The following NAV3 variants were observed in gnomAD, a reference collection of about 807,000 sequenced individuals.
NAV3 encodes neuron navigator 3, also known as pore membrane and/or filament interacting like protein 1.
A neutral mutation model predicts 244.7 loss-of-function variants in NAV3; 87 were observed. That is an observed-to-expected ratio of 0.36 (90% CI 0.30 to 0.42). The LOEUF (loss-of-function observed/expected upper bound fraction) is 0.42, where lower values mean the gene tolerates loss of function less well. Ranked by LOEUF, NAV3 falls within the 20% of genes least tolerant of loss-of-function variation. The pLI is 1.00. For missense variants in NAV3, 2,663 were observed against 2,893.3 expected (o/e 0.92, Z 1.83); for synonymous variants, 1,126 against 1,042.2 (o/e 1.08, Z -1.55).
intron 2 of NAV3, among the ~76,000 whole-genome samples, chr12:77,639,471 G>A (rs552194302): frequency 6.3e-4 from 96 of 152,158 alleles, no homozygotes; most frequent in Middle Eastern, 3.4e-3. Context: ...CAGCCATCTC[G>A]TCTAACCAGA....
intron 2 of NAV3, among the ~76,000 whole-genome samples, chr12:77,728,759 A>G (rs985112825): frequency 2.0e-5 from 3 of 151,854 alleles, no homozygotes; most frequent in African/African-American, 7.2e-5. Flanking sequence ...CTGGAATAGC[A>G]TGGGTTTGAA....
At chr12:77,921,410 A>T (rs908663814) in intron 1 of NAV3, among the ~76,000 whole-genome samples, 1 of 152,128 alleles carries the variant, frequency 6.6e-6, no homozygotes, top group African/African-American at 2.4e-5. Flanking sequence ...GGTAGGAACC[A>T]TTCACTTAAA....
intron 3 of NAV3, among the ~76,000 whole-genome samples, chr12:77,943,136 A>T (rs1565943382): frequency 6.6e-6 from 1 of 152,184 alleles, no homozygotes; most frequent in Admixed American, 6.5e-5. Context: ...TATTTATCTG[A>T]AACAGCTGTT....
Position 78,180,981 on chromosome 12 carries a change from A to G in NAV3, c.5628A>G (p.Ser1876=). 1.2e-6 allele frequency: 2 copies of G among 1,613,308 alleles called. No homozygotes were observed. The highest frequency in any genetic ancestry group is 1.7e-6 in the Non-Finnish European group (2 of 1,179,478). The change falls in exon 30 of 40, where the codon TCA becomes TCG. Residue 1876 remains serine, a synonymous_variant. Coordinates refer to ENST00000397909, the MANE Select transcript of NAV3 (RefSeq NM_001024383.2). ...AATCCTCAAGCAGCACCTCCTCTTC[A>G]TCTTCCAGGCAGTCATTAGGACTTT... ...PSESSSSTSS[S]SSRQSLGLSL...
intron 11 of NAV3, among the ~76,000 whole-genome samples, chr12:78,057,846 A>C (rs1883739066): frequency 6.6e-6 from 1 of 152,112 alleles, no homozygotes; most frequent in Non-Finnish European, 1.5e-5. Flanking sequence ...TTACACACTG[A>C]CCTTAGGAAA....
chr12:77,709,231 G>C (rs961937329), intron 2 of NAV3, among the ~76,000 whole-genome samples: 1 of 152,122 alleles, frequency 6.6e-6, no homozygotes, highest in Admixed American at 6.5e-5. Context: ...ACACAGAAAA[G>C]ACCTTTGACA....
chr12:78,100,889 A>T (rs1445715254), intron 12 of NAV3, among the ~76,000 whole-genome samples: 1 of 151,992 alleles, frequency 6.6e-6, no homozygotes, highest in East Asian at 1.9e-4. Context: ...ATTTGTCTTT[A>T]TTGCTCTTTC....
At position 77,830,994 on chromosome 12, in the gene NAV3, A is replaced by C. The variant is rs7977457; in HGVS notation, c.-468A>C. The C allele has an allele frequency of 0.98, 148,658 of 152,178 alleles. 72,727 individuals are homozygous for C. The highest frequency in any genetic ancestry group is 1 in the East Asian group (5,163 of 5,164). The allele number at this position is 152,178 out of a possible 1,614,324, so 9.4% of individuals were successfully genotyped here. The stretch of plus-strand genomic sequence containing the variant: ...CCTTTTGATTTTTTCCTCTTTTTCA[A>C]TCTCAAAGTTCAGACTCAGACTGCT... On this transcript the variant is annotated 5_prime_UTR_variant, in exon 1 of 40. Coordinates refer to ENST00000397909, the MANE Select transcript of NAV3 (RefSeq NM_001024383.2).
intron 5 of NAV3, among the ~76,000 whole-genome samples, chr12:77,978,439 G>A (rs1868907149): frequency 6.6e-6 from 1 of 152,036 alleles, no homozygotes; most frequent in Non-Finnish European, 1.5e-5. Flanking sequence ...TGACATGTAT[G>A]AGCCACTTTC....
At chr12:77,866,371 C>T (rs1039317852) in intron 1 of NAV3, among the ~76,000 whole-genome samples, 1 of 152,184 alleles carries the variant, frequency 6.6e-6, no homozygotes, top group Non-Finnish European at 1.5e-5. Context: ...GAACTTACTA[C>T]ATCACAAATG....
chr12:77,854,070 C>G (rs1877970184), intron 1 of NAV3, among the ~76,000 whole-genome samples: 1 of 152,120 alleles, frequency 6.6e-6, no homozygotes, highest in East Asian at 1.9e-4. Context: ...TTGTCCTCTT[C>G]TTTGAGTAAA....
chr12:78,108,550 T>C (rs1954923789), intron 12 of NAV3, among the ~76,000 whole-genome samples: 1 of 152,158 alleles, frequency 6.6e-6, no homozygotes, highest in African/African-American at 2.4e-5. Flanking sequence ...GACCACCATA[T>C]GTTAGGCCAC....
chr12:77,672,159 C>G (rs527239416), intron 2 of NAV3, among the ~76,000 whole-genome samples: 1 of 152,104 alleles, frequency 6.6e-6, no homozygotes, highest in Non-Finnish European at 1.5e-5. Context: ...GAAAAATGCT[C>G]AACATCACTA....
intron 9 of NAV3, among the ~76,000 whole-genome samples, chr12:78,037,891 A>G (rs1487402244): frequency 1.3e-5 from 2 of 152,068 alleles, no homozygotes; most frequent in South Asian, 2.1e-4. Context: ...AGCCCTTTTT[A>G]TTGTAGTAAC....
chr12:78,137,469 C>T (rs1956423608), intron 19 of NAV3, 104 bp downstream of exon 19: 1 of 1,152,404 alleles, frequency 8.7e-7, no homozygotes, highest in Non-Finnish European at 1.2e-6. Flanking sequence ...GGAAAATAAA[C>T]TAGTGTAATT....
At chr12:77,980,590 C>CG (rs1869390739) in intron 5 of NAV3, among the ~76,000 whole-genome samples, 1 of 152,086 alleles carries the variant, frequency 6.6e-6, no homozygotes, top group Admixed American at 6.6e-5. Flanking sequence ...GACAAAATAA[C>CG]TTTTTCTACC....
At chr12:78,152,380 AT>A (rs1326907497) in intron 22 of NAV3, among the ~76,000 whole-genome samples, 1 of 151,684 alleles carries the variant, frequency 6.6e-6, no homozygotes, top group Non-Finnish European at 1.5e-5. Context: ...TTTTAATAAT[AT>A]TGTTATAACT....
intron 2 of NAV3, among the ~76,000 whole-genome samples, chr12:77,653,626 T>C (rs949387601): frequency 6.6e-6 from 1 of 152,180 alleles, no homozygotes; most frequent in African/African-American, 2.4e-5. Flanking sequence ...CAAAACAAAG[T>C]ATTGGATCAT....
chr12:77,975,697 G>A (rs147885461), intron 5 of NAV3, among the ~76,000 whole-genome samples: 5 of 152,288 alleles, frequency 3.3e-5, no homozygotes, highest in Admixed American at 3.3e-4. Flanking sequence ...CTGGATCAGA[G>A]GGAAAGAGGC....
Sources: allele counts gnomAD v4.1 joint callset (sites outside exome capture counted in the v4.1 genomes callset), GRCh38; gene constraint gnomAD v4.1.1; transcripts MANE v1.5; gene names NCBI Gene and HGNC (gene_info 2026-07-23, HGNC 2026-07-21).